SLC7A8: variants seen among roughly 807,000 people sequenced by gnomAD.
SLC7A8 encodes large neutral amino acids transporter small subunit 2.
SLC7A8 carries 30 observed loss-of-function variants against 51.2 expected under a neutral mutation model. The ratio of observed to expected loss-of-function variants is 0.59; its 90% confidence interval spans 0.44 to 0.80. The LOEUF (loss-of-function observed/expected upper bound fraction) is 0.80, where lower values mean the gene tolerates loss of function less well. Ranked by LOEUF, SLC7A8 falls within the 30% of genes least tolerant of loss-of-function variation. SLC7A8 has a pLI of 0.00. For synonymous variants in SLC7A8, 257 were observed against 275.8 expected (o/e 0.93, Z 0.67); for missense variants, 612 against 674.4 (o/e 0.91, Z 1.03).
rs1406833849 is a variant in SLC7A8, at chr14:23,177,758, C to T, written c.151+5006G>A. Among the ~76,000 whole-genome samples, 4 of 152,258 alleles carry T rather than the reference C, an allele frequency of 2.6e-5. No individual in the cohort carries two copies. The South Asian group carries it at 6.2e-4, about 24-fold the overall frequency. ...CTGGCCAGATGCCCCTCAGGCTCAC[C>T]CAAGTCTTCCTGCAATTGCACCGGG... On this transcript the variant is annotated intron_variant, in intron 1 of 10. Transcript: ENST00000316902.
At chr14:23,146,291 T>C (rs1254185237) in intron 3 of SLC7A8, among the ~76,000 whole-genome samples, 1 of 152,068 alleles carries the variant, frequency 6.6e-6, no homozygotes, top group Non-Finnish European at 1.5e-5. Flanking sequence ...AAAATCCTTC[T>C]CCAAGGGGAG....
At chr14:23,171,494 G>A (rs552963583) in intron 1 of SLC7A8, among the ~76,000 whole-genome samples, 2 of 152,158 alleles carry the variant, frequency 1.3e-5, no homozygotes, top group Non-Finnish European at 2.9e-5. Context: ...ACACGAGAAT[G>A]TTACAGCCAT....
rs1375336604 is a variant in SLC7A8 at position 23,152,879 on chromosome 14, G to C, written c.509-9675C>G. 3.9e-5 allele frequency among the ~76,000 whole-genome samples: 6 copies of C among 152,164 alleles called. No homozygotes were observed. In the East Asian group the frequency reaches 1.2e-3, roughly 29 times the overall value. ...TACTAAGCCAGCTGCCACTCGATGA[G>C]CCACACTATTCTGGTCTGACAGGGT... On this transcript the variant is annotated intron_variant, in intron 3 of 10. Transcript: ENST00000316902.
intron 1 of SLC7A8, among the ~76,000 whole-genome samples, chr14:23,167,263 G>GTT: frequency 6.6e-6 from 1 of 152,232 alleles, no homozygotes; most frequent in East Asian, 1.9e-4. Context: ...TCTTTCAAAG[G>GTT]TCATTACCCA....
At chr14:23,159,342 A>G (rs1307137953) in intron 3 of SLC7A8, among the ~76,000 whole-genome samples, 2 of 152,250 alleles carry the variant, frequency 1.3e-5, no homozygotes, top group African/African-American at 4.8e-5. Flanking sequence ...GAGATTTTCA[A>G]TACATTTAGA....
chr14:23,144,774 A>T (rs938070062), intron 3 of SLC7A8, among the ~76,000 whole-genome samples: 1 of 152,108 alleles, frequency 6.6e-6, no homozygotes, highest in Non-Finnish European at 1.5e-5. Flanking sequence ...GTGAATCTCT[A>T]TAATTCAGCA....
At chr14:23,131,389 A>G in intron 8 of SLC7A8, 72 bp downstream of exon 8, 3 of 1,299,040 alleles carry the variant, frequency 2.3e-6, no homozygotes, top group East Asian at 2.6e-5. Context: ...TGTGAAAAGC[A>G]TGAACTCCCA....
Position 23,154,299 on chromosome 14 carries a change from C to G in SLC7A8, c.508+10986G>C, listed in dbSNP as rs1048888192. Reference sequence around the variant, plus strand: ...TCACTTCTCTGCCTTCTGCCACGCTCTGGCCAGCTCCCACAGACTCCCTCC... The same window carrying G: ...TCACTTCTCTGCCTTCTGCCACGCTGTGGCCAGCTCCCACAGACTCCCTCC... On this transcript the variant is annotated intron_variant, in intron 3 of 10. Transcript: ENST00000316902. The G allele has an allele frequency of 4.0e-6, 4 of 1,000,286 alleles. No homozygotes were observed. In the African/African-American group the frequency reaches 7.0e-5, roughly 17 times the overall value. 62.0% of individuals were successfully genotyped at this position (1,000,286 alleles called of 1,614,324 possible).
chr14:23,142,238 G>A (rs73598469), intron 4 of SLC7A8, among the ~76,000 whole-genome samples: 7,623 of 152,240 alleles, frequency 0.05, 698 homozygotes, highest in African/African-American at 0.17. Flanking sequence ...CAGTGACGCT[G>A]GGCAGAGCCT....
At chr14:23,139,332 A>G in intron 6 of SLC7A8, 92 bp downstream of exon 6, 1 of 1,583,448 alleles carries the variant, frequency 6.3e-7, no homozygotes, top group Non-Finnish European at 8.6e-7. Flanking sequence ...CACTTCCACA[A>G]GGCCATGGAT....
chr14:23,158,302 G>A (rs1374703485), intron 3 of SLC7A8, among the ~76,000 whole-genome samples: 1 of 152,192 alleles, frequency 6.6e-6, no homozygotes, highest in African/African-American at 2.4e-5. Flanking sequence ...CCACCCTGGG[G>A]AAGGTTCTAA....
At chr14:23,164,259 TAA>T (rs1157074118) in intron 3 of SLC7A8, among the ~76,000 whole-genome samples, 2 of 152,196 alleles carry the variant, frequency 1.3e-5, no homozygotes, top group African/African-American at 4.8e-5. Flanking sequence ...CCAAGAGAGT[TAA>T]AAGAGTGTGA....
At chr14:23,147,476 G>T (rs1466408504) in intron 3 of SLC7A8, among the ~76,000 whole-genome samples, 1 of 152,238 alleles carries the variant, frequency 6.6e-6, no homozygotes, top group South Asian at 2.1e-4. Flanking sequence ...GGGAATCAGA[G>T]ATGCCTTCTA....
rs111720569 is a variant in SLC7A8, at chr14:23,180,051, A to G, written c.151+2713T>C. ...CTCACGAGTAGCTGGGACTACAGGCATGCGCCACGACGCCCGGCTAATTTT... is the reference window on the plus strand; with the variant it reads ...CTCACGAGTAGCTGGGACTACAGGCGTGCGCCACGACGCCCGGCTAATTTT... On this transcript the variant is annotated intron_variant, in intron 1 of 10. Transcript: ENST00000316902. 4.2e-3 allele frequency among the ~76,000 whole-genome samples: 640 copies of G among 151,570 alleles called. 3 individuals are homozygous for G. Among genetic ancestry groups the G allele is most frequent in the African/African-American group, 0.015 (611 of 41,332 alleles).
intron 4 of SLC7A8, 66 bp downstream of exon 4, chr14:23,143,013 C>CT (rs2048759032): frequency 3.8e-6 from 6 of 1,583,314 alleles, no homozygotes; most frequent in Non-Finnish European, 5.2e-6. Flanking sequence ...CAAAGCTGGG[C>CT]TGAGAGGGTG....
intron 2 of SLC7A8, among the ~76,000 whole-genome samples, 174 bp downstream of exon 2, chr14:23,166,162 C>T (rs533387881): frequency 6.6e-6 from 1 of 152,130 alleles, no homozygotes; most frequent in African/African-American, 2.4e-5. Context: ...CAAGGGGATA[C>T]AAGGCTACAC....
chr14:23,133,135 A>T (rs930314113), intron 7 of SLC7A8, among the ~76,000 whole-genome samples: 3 of 152,100 alleles, frequency 2.0e-5, no homozygotes, highest in Non-Finnish European at 4.4e-5. Context: ...TGTGGGATTG[A>T]GTTTAAAAAA....
In SLC7A8 at chr14:23,183,519, C is replaced by G. The variant is rs1211687356; in HGVS notation, c.-605G>C. ...CTGCTTTGGGTTTCTTTTCCCTTCC[C>G]CGTCTTCTGCTTCCGCCTTTCCCAG... On this transcript the variant is annotated 5_prime_UTR_variant, in exon 1 of 11. Transcript: ENST00000316902. The G allele has an allele frequency of 1.3e-5, 2 of 152,236 alleles. No individual in the cohort carries two copies. Among genetic ancestry groups the G allele is most frequent in the African/African-American group, 4.8e-5 (2 of 41,412 alleles). The allele number at this position is 152,236 out of a possible 1,614,324, so 9.4% of individuals were successfully genotyped here. A position where few individuals can be genotyped will look rare whatever the true frequency, so the allele number is the denominator to read the frequency against.
chr14:23,174,423 C>T (rs1431591261), intron 1 of SLC7A8, among the ~76,000 whole-genome samples: 1 of 152,202 alleles, frequency 6.6e-6, no homozygotes, highest in East Asian at 1.9e-4. Context: ...AAACCTTCTC[C>T]CCAGAAGTGA....
Sources: allele counts gnomAD v4.1 joint callset (sites outside exome capture counted in the v4.1 genomes callset), GRCh38; gene constraint gnomAD v4.1.1; transcripts MANE v1.5; gene names NCBI Gene and HGNC (gene_info 2026-07-23, HGNC 2026-07-21).